Variants in ODF2 observed in about 807,000 individuals in gnomAD.
ODF2 encodes the protein outer dense fiber protein 2.
Under a neutral mutation model 110.2 loss-of-function variants are expected in ODF2, and 47 were observed. The observed-to-expected ratio is 0.43, with a 90% CI of 0.34 to 0.54. The LOEUF (loss-of-function observed/expected upper bound fraction) is 0.54, where lower values mean the gene tolerates loss of function less well. ODF2 is among the 20% of genes least tolerant of loss of function. ODF2 has a pLI of 0.03. For synonymous variants in ODF2, 352 were observed against 397.7 expected (o/e 0.89, Z 1.37); for missense variants, 812 against 1,054.5 (o/e 0.77, Z 3.19).
chr9:128,487,723 C>T (rs777442624), intron 13 of ODF2, among the ~76,000 whole-genome samples, 167 bp from the exon 14 acceptor site: 5 of 151,504 alleles, frequency 3.3e-5, no homozygotes, highest in African/African-American at 1.2e-4. Context: ...GGAGGCGGAG[C>T]TTGCAGTGAG....
At chr9:128,456,913 T>C (rs1231859657) in intron 1 of ODF2, 7 of 1,260,444 alleles carry the variant, frequency 5.6e-6, no homozygotes, top group Non-Finnish European at 7.1e-6. Flanking sequence ...TGTTCTTCCG[T>C]AACGCCCCTT....
At chr9:128,473,196 C>A in intron 7 of ODF2, 154 bp downstream of exon 7, 2 of 1,460,716 alleles carry the variant, frequency 1.4e-6, no homozygotes, top group East Asian at 2.5e-5. Context: ...CCACCACTCT[C>A]ACTTCCCAAT....
In ODF2 at chr9:128,483,129, C is replaced by T. The variant is rs931411611; in HGVS notation, c.987+242C>T. On this transcript the variant is annotated intron_variant, in intron 10 of 20. Coordinates refer to ENST00000604420, the Ensembl canonical transcript of ODF2. Reference sequence around the variant, plus strand: ...CAGGATGGTCTTGATCTCTTGACCTCGTGATCTGCCTGCCTCGGCCTCCCA... The same window carrying T: ...CAGGATGGTCTTGATCTCTTGACCTTGTGATCTGCCTGCCTCGGCCTCCCA... Among the ~76,000 whole-genome samples the T allele has an allele frequency of 2.6e-5, 4 of 152,148 alleles. No homozygotes were observed. The East Asian group carries it at 5.8e-4, about 22-fold the overall frequency.
intron 5 of ODF2, among the ~76,000 whole-genome samples, chr9:128,470,003 AAAAAAAAAAAAAAAAATAT>A (rs1191398643): frequency 3.8e-5 from 2 of 52,642 alleles, no homozygotes; most frequent in African/African-American, 1.5e-4. Flanking sequence ...AAAAAAAAAA[AAAAAAAAAAAAAAAAATAT>A]ATATATATAT....
chr9:128,457,299 T>C (rs1835146493), exon 2 of ODF2: 13 of 1,607,576 alleles, frequency 8.1e-6, no homozygotes, highest in Non-Finnish European at 1.1e-5. Context: ...AGAGGACGTT[T>C]GATGCCGGGC....
At chr9:128,461,563 C>T (rs368426230) in intron 4 of ODF2, among the ~76,000 whole-genome samples, 32 of 152,212 alleles carry the variant, frequency 2.1e-4, no homozygotes, top group African/African-American at 7.2e-4. Context: ...GGACTACAGG[C>T]GCCCGCCACC....
chr9:128,491,990 C>T lies in ODF2; in HGVS notation c.1537-436C>T, dbSNP rs550143649. 4.0e-5 allele frequency among the ~76,000 whole-genome samples: 6 copies of T among 151,886 alleles called. No individual in the cohort carries two copies. In the South Asian group the frequency reaches 1.2e-3, roughly 32 times the overall value. On this transcript the variant is annotated intron_variant, in intron 14 of 20. Transcript: ENST00000604420. ...ATGCCATCCTCCTGCCTCAGCCTCC[C>T]GAGTAGCTGGGACTACAGGCGCCCG...
At chr9:128,497,105 A>G (rs1055538005) in intron 18 of ODF2, among the ~76,000 whole-genome samples, 5 of 152,022 alleles carry the variant, frequency 3.3e-5, no homozygotes, top group African/African-American at 1.2e-4. Context: ...GTTACCTGGC[A>G]TAGAGAAGCG....
rs780721900 is a variant in ODF2 at position 128,459,656 on chromosome 9, C to G, written c.122C>G (p.Thr41Arg). The stretch of plus-strand genomic sequence containing the variant: ...TGTGGCGCACCCAGTGTAACTGTGA[C>G]GGTAGGTGATGCACTCACGTAGCAG... Residue 41 changes from threonine to arginine, a missense_variant and splice_region_variant, in exon 3 of 21, where the codon ACG (threonine) becomes AGG (arginine). By Grantham distance (71) the Thr-to-Arg change is moderately conservative. This residue lies in a region of ODF2 where 121 missense variants were observed against 123.7 expected (regional missense o/e 0.98). Coordinates refer to ENST00000604420, the Ensembl canonical transcript of ODF2. 30 of 1,611,352 alleles carry G rather than the reference C, an allele frequency of 1.9e-5. No individual in the cohort carries two copies. In the African/African-American group the frequency reaches 3.9e-4, roughly 21 times the overall value.
intron 13 of ODF2, 70 bp from the exon 14 acceptor site, chr9:128,487,807 ACACACACACACAC>A (rs2132114677): frequency 7.2e-7 from 1 of 1,382,028 alleles, no homozygotes. Context: ...CAAACAAAAC[ACACACACACACAC>A]ACACACACAC....
At chr9:128,499,400 C>A (rs1308433927) in intron 20 of ODF2, among the ~76,000 whole-genome samples, 1 of 152,118 alleles carries the variant, frequency 6.6e-6, no homozygotes, top group Non-Finnish European at 1.5e-5. Context: ...ATCCCCACCC[C>A]ACCCTCAGCC....
At chr9:128,473,103 G>T in intron 7 of ODF2, 61 bp downstream of exon 7, 1 of 1,608,746 alleles carries the variant, frequency 6.2e-7, no homozygotes, top group Non-Finnish European at 8.5e-7. Context: ...GCAGCTGCAG[G>T]CTGGGCAGGG....
chr9:128,477,374 C>T (rs1841511165), intron 8 of ODF2, among the ~76,000 whole-genome samples: 1 of 151,612 alleles, frequency 6.6e-6, no homozygotes, highest in Non-Finnish European at 1.5e-5. Context: ...CACAGTGAGA[C>T]TTCATCTGTA....
intron 1 of ODF2, chr9:128,456,712 G>T (rs1201207062): frequency 1.3e-5 from 18 of 1,368,950 alleles, no homozygotes; most frequent in African/African-American, 3.1e-5. Context: ...CGTAGGCAGC[G>T]CTGTCCCCCG....
intron 4 of ODF2, among the ~76,000 whole-genome samples, chr9:128,466,700 G>A (rs371481417): frequency 1.8e-4 from 27 of 149,198 alleles, no homozygotes; most frequent in Non-Finnish European, 3.4e-4. Context: ...TCATGTGGCC[G>A]GGCGTGGTGG....
chr9:128,456,368 C>CA (rs1395498894), intron 1 of ODF2, 113 bp downstream of exon 1: 35 of 1,430,022 alleles, frequency 2.4e-5, no homozygotes, highest in Non-Finnish European at 2.9e-5. Flanking sequence ...GTCCTGGGTT[C>CA]CCCGCCGCGT....
rs1380704099 is a variant in ODF2 at position 128,497,442 on chromosome 9, AAAAAATATATATATATATATATAT to A, written c.2013-969_2013-946del. 325 of 83,228 alleles carry A rather than the reference AAAAAATATATATATATATATATAT, an allele frequency of 3.9e-3. 15 individuals are homozygous for A. The highest frequency in any genetic ancestry group is 0.026 in the Admixed American group (206 of 8,024). The allele number at this position is 83,228 out of a possible 1,614,324, so 5.2% of individuals were successfully genotyped here. The stretch of plus-strand genomic sequence containing the variant: ...CTCTACTAAAAAAAAAAAAAAAAAA[AAAAAATATATATATATATATATAT>A]ATATATATATATATATATATGTATA... On this transcript the variant is annotated intron_variant, in intron 18 of 20. Coordinates refer to ENST00000604420, the Ensembl canonical transcript of ODF2.
At chr9:128,490,919 T>C (rs1294151441) in intron 14 of ODF2, among the ~76,000 whole-genome samples, 2 of 151,932 alleles carry the variant, frequency 1.3e-5, no homozygotes, top group Non-Finnish European at 2.9e-5. Context: ...TAGGAAGACA[T>C]TTATTTATTT....
Position 128,492,684 on chromosome 9 carries a change from G to T in ODF2, c.1648-17G>T. ...GTGGCTCTACCTAAGATGAACCACAGTGTTGTTGGTCCCTAGGTGATGAAG... is the reference window on the plus strand; with the variant it reads ...GTGGCTCTACCTAAGATGAACCACATTGTTGTTGGTCCCTAGGTGATGAAG... On this transcript the variant is annotated splice_polypyrimidine_tract_variant and intron_variant, in intron 15 of 20. Coordinates refer to ENST00000604420, the Ensembl canonical transcript of ODF2. 1 of 1,607,636 alleles carries T rather than the reference G, an allele frequency of 6.2e-7. No individual in the cohort carries two copies. Among genetic ancestry groups the T allele is most frequent in the South Asian group, 1.1e-5 (1 of 90,954 alleles).
Sources: gnomAD v4.1 joint callset for allele counts (sites outside exome capture counted in the v4.1 genomes callset) on GRCh38, gnomAD v4.1.1 for gene constraint, gnomAD v4.1.1 regional missense constraint, MANE v1.5 for transcripts, NCBI Gene and HGNC (gene_info 2026-07-23, HGNC 2026-07-21) for gene names.